MCUB: variants seen among roughly 807,000 people sequenced by gnomAD.
MCUB encodes mitochondrial calcium uniporter dominant negative subunit beta.
A neutral mutation model predicts 41.4 loss-of-function variants in MCUB; 46 were observed. The ratio of observed to expected loss-of-function variants is 1.11; its 90% CI spans 0.88 to 1.42. MCUB has a LOEUF of 1.42. Among genes scored for constraint, MCUB ranks in the 40% most tolerant of loss-of-function variants. The pLI is 0.00. For missense variants in MCUB, 403 were observed against 404.9 expected (o/e 1.00, Z 0.04); for synonymous variants, 148 against 148.2 (o/e 1.00, Z 0.01).
intron 1 of MCUB, among the ~76,000 whole-genome samples, chr4:109,578,340 G>C (rs565310268): frequency 2.0e-5 from 3 of 152,188 alleles, no homozygotes; most frequent in African/African-American, 7.2e-5. Flanking sequence ...AATATTTTCT[G>C]TATGTACAAT....
At chr4:109,655,022 G>A (rs1729059201) in intron 1 of MCUB, among the ~76,000 whole-genome samples, 1 of 152,140 alleles carries the variant, frequency 6.6e-6, no homozygotes, top group South Asian at 2.1e-4. Flanking sequence ...GGCCTCTCAT[G>A]TTTCTCACAG....
At chr4:109,600,555 G>A (rs534812557) in intron 1 of MCUB, among the ~76,000 whole-genome samples, 12 of 152,190 alleles carry the variant, frequency 7.9e-5, no homozygotes, top group Non-Finnish European at 1.6e-4. Flanking sequence ...GATGCTCTGA[G>A]GAGCCCACAC....
At chr4:109,641,175 C>T (rs1728706051) in intron 1 of MCUB, among the ~76,000 whole-genome samples, 1 of 151,950 alleles carries the variant, frequency 6.6e-6, no homozygotes, top group African/African-American at 2.4e-5. Context: ...TCACTGCAAG[C>T]TTCGCCTCCC....
At chr4:109,569,989 AATGCATGTT>A (rs1726876324) in intron 1 of MCUB, among the ~76,000 whole-genome samples, 1 of 152,218 alleles carries the variant, frequency 6.6e-6, no homozygotes, top group African/African-American at 2.4e-5. Context: ...GAGGGCATGT[AATGCATGTT>A]ATAGAGCATA....
intron 1 of MCUB, among the ~76,000 whole-genome samples, chr4:109,655,878 T>C (rs1729084270): frequency 6.6e-6 from 1 of 152,122 alleles, no homozygotes; most frequent in Admixed American, 6.5e-5. Flanking sequence ...CCTCACAAAC[T>C]GACCTTTTAG....
chr4:109,565,321 G>C (rs1014564870), intron 1 of MCUB, among the ~76,000 whole-genome samples: 1 of 152,196 alleles, frequency 6.6e-6, no homozygotes, highest in African/African-American at 2.4e-5. Context: ...ACGCTTCACT[G>C]TCTGTATAAT....
In MCUB at chr4:109,560,370, G is replaced by T; in HGVS notation, c.33G>T (p.Thr11=). 7.5e-7 allele frequency: 1 copy of T among 1,324,834 alleles called. No homozygotes were observed. The highest frequency in any genetic ancestry group is 9.6e-7 in the Non-Finnish European group (1 of 1,037,890). 82.1% of individuals were successfully genotyped at this position (1,324,834 alleles called of 1,614,324 possible). Residue 11 remains threonine, a synonymous_variant, in exon 1 of 8, where the codon ACG becomes ACT. Transcript: ENST00000394650. MLQRGLWPWR[T]RLLPTPGTWR... ...AGAGGGGCCTCTGGCCGTGGCGCAC[G>T]CGGCTGCTGCCGACCCCTGGCACCT...
intron 1 of MCUB, among the ~76,000 whole-genome samples, chr4:109,611,823 G>C (rs1446961520): frequency 6.6e-6 from 1 of 152,072 alleles, no homozygotes. Context: ...GGCAAACTGG[G>C]GCATTTTAAA....
chr4:109,667,162 A>C (rs527739972), intron 4 of MCUB, among the ~76,000 whole-genome samples: 1 of 152,042 alleles, frequency 6.6e-6, no homozygotes, highest in African/African-American at 2.4e-5. Context: ...TAGATAATTA[A>C]TATAGTTTCT....
At chr4:109,686,425 C>T (rs940970858) in intron 7 of MCUB, among the ~76,000 whole-genome samples, 1 of 152,192 alleles carries the variant, frequency 6.6e-6, no homozygotes, top group Non-Finnish European at 1.5e-5. Flanking sequence ...AGGTGTGAGC[C>T]ACCATGTCCA....
At position 109,678,491 on chromosome 4, in the gene MCUB, GCGCTCCCCATTTCCC is replaced by G. The variant is rs1342869259; in HGVS notation, c.452-4090_452-4076del. Among the ~76,000 whole-genome samples, 257 of 149,144 alleles carry G rather than the reference GCGCTCCCCATTTCCC, an allele frequency of 1.7e-3. 1 individual carries two copies. The highest frequency in any genetic ancestry group is 6.0e-3 in the African/African-American group (240 of 40,082). On this transcript the variant is annotated intron_variant, in intron 4 of 7. Coordinates refer to ENST00000394650, the MANE Select transcript of MCUB (RefSeq NM_017918.5). The stretch of plus-strand genomic sequence containing the variant: ...TCCCAGACGGGGCGGCCGGGCAGAG[GCGCTCCCCATTTCCC>G]AGATGGGGCGGTGGCCGGGCAGAGG...
intron 1 of MCUB, among the ~76,000 whole-genome samples, chr4:109,582,284 A>C (rs1379964184): frequency 6.7e-6 from 1 of 149,532 alleles, no homozygotes; most frequent in Non-Finnish European, 1.5e-5. Flanking sequence ...AGGACAAAAA[A>C]CCAAACACCG....
intron 3 of MCUB, among the ~76,000 whole-genome samples, chr4:109,664,004 C>T (rs1387213643): frequency 2.6e-5 from 4 of 152,246 alleles, no homozygotes; most frequent in East Asian, 1.9e-4. Context: ...CATGACTCTC[C>T]ACAGATGCAG....
intron 1 of MCUB, among the ~76,000 whole-genome samples, chr4:109,583,892 C>G (rs1404390082): frequency 1.3e-5 from 2 of 152,174 alleles, no homozygotes; most frequent in Non-Finnish European, 2.9e-5. Context: ...TTGAACCAGC[C>G]TTGCATCCCA....
intron 1 of MCUB, among the ~76,000 whole-genome samples, chr4:109,586,686 T>G (rs1025731515): frequency 6.6e-6 from 1 of 152,204 alleles, no homozygotes; most frequent in African/African-American, 2.4e-5. Context: ...TTCTGTTTGT[T>G]AGTTTTCCTT....
At chr4:109,594,590 C>T (rs112789920) in intron 1 of MCUB, among the ~76,000 whole-genome samples, 17 of 151,948 alleles carry the variant, frequency 1.1e-4, no homozygotes, top group South Asian at 4.2e-4. Context: ...ACCCGGGAGG[C>T]GGAGGTTGCA....
At chr4:109,665,191 A>T (rs1011778244) in intron 4 of MCUB, among the ~76,000 whole-genome samples, 1 of 152,216 alleles carries the variant, frequency 6.6e-6, no homozygotes, top group African/African-American at 2.4e-5. Flanking sequence ...GTAGAACTAC[A>T]TGTATTCATC....
intron 1 of MCUB, among the ~76,000 whole-genome samples, chr4:109,569,332 C>T (rs1313324399): frequency 6.6e-6 from 1 of 152,076 alleles, no homozygotes; most frequent in African/African-American, 2.4e-5. Flanking sequence ...AGGCGTTAGC[C>T]ACTGCGCCTG....
intron 1 of MCUB, among the ~76,000 whole-genome samples, chr4:109,590,609 T>A (rs746586034): frequency 6.6e-6 from 1 of 152,216 alleles, no homozygotes; most frequent in Non-Finnish European, 1.5e-5. Context: ...TTAAAAGCAA[T>A]CACTTACTAC....
Sources: allele counts gnomAD v4.1 joint callset (sites outside exome capture counted in the v4.1 genomes callset), GRCh38; gene constraint gnomAD v4.1.1; transcripts MANE v1.5; gene names NCBI Gene and HGNC (gene_info 2026-07-23, HGNC 2026-07-21).